The following RANBP3L variants were observed in gnomAD, a reference collection of about 807,000 sequenced individuals.
RANBP3L encodes RAN binding protein 3 like.
A neutral mutation model predicts 67.2 loss-of-function variants in RANBP3L; 56 were observed. The observed-to-expected ratio is 0.83, with a 90% confidence interval of 0.67 to 1.04. The LOEUF (loss-of-function observed/expected upper bound fraction) is 1.04. Ranked by LOEUF, RANBP3L falls within the 50% of genes least tolerant of loss-of-function variation. The pLI, the probability that RANBP3L is intolerant of heterozygous loss-of-function variation, is 0.00. For synonymous variants in RANBP3L, 164 were observed against 181.4 expected, an observed-to-expected ratio of 0.90 and a Z score of 0.77; for missense variants, 496 against 535.5, an observed-to-expected ratio of 0.93 and a Z score of 0.73.
chr5:36,301,184 T>C (rs1752583972), intron 1 of RANBP3L, 142 bp downstream of exon 1: 1 of 670,820 alleles, frequency 1.5e-6, no homozygotes, highest in Non-Finnish European at 2.7e-6. Flanking sequence ...TAAAAATCAA[T>C]AGTGAATCCA....
chr5:36,269,457 AC>A lies in RANBP3L; in HGVS notation c.200del (p.Gly67ValfsTer24). 6.5e-7 allele frequency: 1 copy of A among 1,536,046 alleles called. No individual in the cohort carries two copies. ...AAGACCGTACACGCTTTGTTGGAAA[AC>A]CATTACATTCTGCAAGAAAAGCAAT... ...LYEAAEPECN[G>X]FPTKRVRSSS... On this transcript the variant is annotated frameshift_variant, in exon 4 of 14. Transcript: ENST00000296604. LOFTEE classifies it high-confidence loss of function.
chr5:36,262,772 A>G (rs921598481), intron 6 of RANBP3L, among the ~76,000 whole-genome samples: 2 of 152,082 alleles, frequency 1.3e-5, no homozygotes, highest in Non-Finnish European at 2.9e-5. Flanking sequence ...TTTCTTTTTT[A>G]ACAAGAGTTT....
Position 36,254,293 on chromosome 5 carries a change from A to G in RANBP3L, c.1025-504T>C, listed in dbSNP as rs76710857. On this transcript the variant is annotated intron_variant, in intron 11 of 13. Coordinates refer to ENST00000296604, the MANE Select transcript of RANBP3L (RefSeq NM_145000.5). ...AACACCATGAATCAGAACTTTTACA[A>G]TCTATGTGTACATCTATATATACAG... Among the ~76,000 whole-genome samples the G allele has an allele frequency of 8.2e-3, 1,252 of 152,222 alleles. 17 individuals are homozygous for G. Among genetic ancestry groups the G allele is most frequent in the African/African-American group, 0.028 (1,181 of 41,556 alleles).
At chr5:36,257,960 A>G (rs1407194420) in intron 8 of RANBP3L, among the ~76,000 whole-genome samples, 3 of 152,192 alleles carry the variant, frequency 2.0e-5, no homozygotes, top group Non-Finnish European at 4.4e-5. Context: ...ATTTAATATT[A>G]CTTTTAATTA....
At chr5:36,282,293 G>T (rs1318485780) in intron 1 of RANBP3L, among the ~76,000 whole-genome samples, 1 of 152,150 alleles carries the variant, frequency 6.6e-6, no homozygotes, top group Non-Finnish European at 1.5e-5. Context: ...GTCTAAAATG[G>T]TGTCTTCTCA....
chr5:36,278,246 C>T (rs1209249809), intron 1 of RANBP3L, among the ~76,000 whole-genome samples: 1 of 152,066 alleles, frequency 6.6e-6, no homozygotes, highest in African/African-American at 2.4e-5. Context: ...TCTCTCCCAT[C>T]TTTTTTATTC....
intron 8 of RANBP3L, among the ~76,000 whole-genome samples, chr5:36,259,396 A>G (rs1174333888): frequency 1.3e-5 from 2 of 152,148 alleles, no homozygotes; most frequent in African/African-American, 4.8e-5. Flanking sequence ...CAGCCTGGCA[A>G]CATGGTGAAA....
At chr5:36,262,082 A>G (rs1179053854) in intron 6 of RANBP3L, 40 bp from the exon 7 acceptor site, 5 of 964,068 alleles carry the variant, frequency 5.2e-6, no homozygotes, top group African/African-American at 1.6e-5. Flanking sequence ...TATAAAGACT[A>G]CCTTACTATA....
intron 1 of RANBP3L, among the ~76,000 whole-genome samples, chr5:36,280,614 A>G (rs191145836): frequency 6.6e-6 from 1 of 152,312 alleles, no homozygotes; most frequent in East Asian, 1.9e-4. Flanking sequence ...GAATTTATAT[A>G]TGTATTTTGA....
chr5:36,259,620 G>A (rs1329543838), intron 8 of RANBP3L, among the ~76,000 whole-genome samples: 5 of 151,682 alleles, frequency 3.3e-5, no homozygotes, highest in African/African-American at 4.8e-5. Flanking sequence ...CTGGCTTAAC[G>A]AGTTGGTTCT....
At chr5:36,268,166 C>T (rs1749943455) in intron 4 of RANBP3L, 1 of 1,428,868 alleles carries the variant, frequency 7.0e-7, no homozygotes, top group Non-Finnish European at 9.4e-7. Context: ...CAGTGTCAGG[C>T]TTGAGGTTCT....
intron 1 of RANBP3L, among the ~76,000 whole-genome samples, chr5:36,292,784 T>C (rs1444811858): frequency 6.6e-6 from 1 of 152,212 alleles, no homozygotes; most frequent in African/African-American, 2.4e-5. Context: ...ACCAGTACCA[T>C]GCTGTTTTGG....
At chr5:36,298,346 A>G (rs1752379702) in intron 1 of RANBP3L, among the ~76,000 whole-genome samples, 1 of 151,952 alleles carries the variant, frequency 6.6e-6, no homozygotes, top group Non-Finnish European at 1.5e-5. Context: ...TGTTGAAGCT[A>G]GTCACGCCTA....
intron 1 of RANBP3L, among the ~76,000 whole-genome samples, chr5:36,288,364 G>T (rs975305817): frequency 6.6e-6 from 1 of 152,062 alleles, no homozygotes; most frequent in African/African-American, 2.4e-5. Flanking sequence ...ACCGCAATTT[G>T]CTTACCAGTT....
intron 11 of RANBP3L, 121 bp downstream of exon 11, chr5:36,255,349 A>G (rs1227319767): frequency 1.1e-6 from 1 of 935,312 alleles, no homozygotes; most frequent in Non-Finnish European, 1.5e-6. Flanking sequence ...TATTTTCAAC[A>G]GTCTGATTTT....
At chr5:36,262,889 G>GT (rs1749496916) in intron 6 of RANBP3L, among the ~76,000 whole-genome samples, 1 of 152,042 alleles carries the variant, frequency 6.6e-6, no homozygotes, top group Admixed American at 6.5e-5. Flanking sequence ...AGCCAAAATG[G>GT]TAGTTTTCAC....
intron 4 of RANBP3L, among the ~76,000 whole-genome samples, chr5:36,268,993 A>G (rs1561115548): frequency 6.6e-6 from 1 of 152,100 alleles, no homozygotes; most frequent in Non-Finnish European, 1.5e-5. Flanking sequence ...TGCAGGTATG[A>G]GCCACCGCGC....
intron 1 of RANBP3L, among the ~76,000 whole-genome samples, chr5:36,272,226 CA>C (rs1227249340): frequency 6.6e-6 from 1 of 151,912 alleles, no homozygotes; most frequent in Admixed American, 6.5e-5. Flanking sequence ...TTAACAAAAA[CA>C]AAAAAGCCTT....
At position 36,248,708 on chromosome 5, in the gene RANBP3L, T is replaced by C. The variant is rs892696764; in HGVS notation, c.*946A>G. On this transcript the variant is annotated 3_prime_UTR_variant, in exon 14 of 14. Coordinates refer to ENST00000296604, the MANE Select transcript of RANBP3L (RefSeq NM_145000.5). ...GAAGCCATGGTGTGATAAAACTGAA[T>C]TGAAAAATGAAATAGGGCTATAAGT... The C allele has an allele frequency of 1.3e-5, 2 of 152,154 alleles. No homozygotes were observed. The highest frequency in any genetic ancestry group is 1.9e-4 in the East Asian group (1 of 5,192). 9.4% of individuals were successfully genotyped at this position (152,154 alleles called of 1,614,324 possible).
Sources: allele counts gnomAD v4.1 joint callset (sites outside exome capture counted in the v4.1 genomes callset), GRCh38; gene constraint gnomAD v4.1.1; transcripts MANE v1.5; gene names NCBI Gene and HGNC (gene_info 2026-07-23, HGNC 2026-07-21).